Variants in PPARGC1A observed in about 807,000 individuals in gnomAD.
The protein encoded by PPARGC1A is PPARG coactivator 1 alpha.
A neutral mutation model predicts 88.7 loss-of-function variants in PPARGC1A; 25 were observed. That is an observed-to-expected ratio of 0.28 (90% CI 0.21 to 0.39). The LOEUF is 0.39. Ranked by LOEUF, PPARGC1A falls within the 10% of genes least tolerant of loss-of-function variation. The pLI is 1.00. For missense variants in PPARGC1A, 880 were observed against 968.7 expected, an observed-to-expected ratio of 0.91 and a Z score of 1.22; for synonymous variants, 363 against 355.6, an observed-to-expected ratio of 1.02 and a Z score of -0.24.
chr4:24,234,034 T>C, the PPARGC1A span, among the ~76,000 whole-genome samples: 2 of 152,252 alleles, frequency 1.3e-5, no homozygotes, highest in South Asian at 4.2e-4. Flanking sequence ...ACCAATACAA[T>C]AACGCCAGGG....
the PPARGC1A span, among the ~76,000 whole-genome samples, chr4:24,374,853 C>T: frequency 6.6e-6 from 1 of 152,050 alleles, no homozygotes; most frequent in African/African-American, 2.4e-5. Context: ...AAAAATTAAA[C>T]ATGGTGTTAC....
At chr4:24,150,513 T>C in the PPARGC1A span, among the ~76,000 whole-genome samples, 22 of 152,254 alleles carry the variant, frequency 1.4e-4, no homozygotes, top group Non-Finnish European at 2.9e-4. Flanking sequence ...GCTTGACCCA[T>C]CCCAATTAGC....
At chr4:24,315,504 TG>T in the PPARGC1A span, among the ~76,000 whole-genome samples, 1 of 152,214 alleles carries the variant, frequency 6.6e-6, no homozygotes, top group Admixed American at 6.5e-5. Flanking sequence ...CACTCAGAAG[TG>T]CACCTGAGAG....
chr4:24,363,542 G>C, the PPARGC1A span, among the ~76,000 whole-genome samples: 1 of 152,106 alleles, frequency 6.6e-6, no homozygotes, highest in Admixed American at 6.5e-5. Flanking sequence ...TGGGTGTAAG[G>C]TTTCTTTGTC....
At chr4:24,341,533 A>C in the PPARGC1A span, among the ~76,000 whole-genome samples, 2 of 152,188 alleles carry the variant, frequency 1.3e-5, no homozygotes, top group Non-Finnish European at 2.9e-5. Context: ...CAAACTGTGC[A>C]AATGTTTTGA....
chr4:24,234,933 A>G, the PPARGC1A span, among the ~76,000 whole-genome samples: 3 of 152,236 alleles, frequency 2.0e-5, no homozygotes, highest in African/African-American at 4.8e-5. Flanking sequence ...ATCACACTCT[A>G]GAGGAATAAT....
chr4:24,283,168 ATC>A, the PPARGC1A span, among the ~76,000 whole-genome samples: 1 of 152,150 alleles, frequency 6.6e-6, no homozygotes, highest in African/African-American at 2.4e-5. Context: ...GTGGTATTTG[ATC>A]CAAAAAGATC....
intron 10 of PPARGC1A, among the ~76,000 whole-genome samples, chr4:23,809,334 T>C (rs1467863899): frequency 2.0e-5 from 3 of 152,166 alleles, no homozygotes; most frequent in African/African-American, 7.2e-5. Context: ...CATTAAATAG[T>C]TCCATGATGC....
At chr4:23,847,091 G>A (rs1043266603) in intron 2 of PPARGC1A, among the ~76,000 whole-genome samples, 1 of 152,144 alleles carries the variant, frequency 6.6e-6, no homozygotes, top group African/African-American at 2.4e-5. Flanking sequence ...ATCTTTGGAG[G>A]TGGGAGTTAG....
chr4:24,104,831 C>A, the PPARGC1A span, among the ~76,000 whole-genome samples: 572 of 152,306 alleles, frequency 3.8e-3, 2 homozygotes, highest in African/African-American at 0.013. Flanking sequence ...AAGGAATCTG[C>A]AGATGGAGAA....
intron 2 of PPARGC1A, among the ~76,000 whole-genome samples, chr4:23,840,821 T>A (rs2148605615): frequency 6.6e-6 from 1 of 152,162 alleles, no homozygotes; most frequent in East Asian, 1.9e-4. Context: ...TTCTTTGTAA[T>A]CCTCACCTCC....
chr4:24,104,493 C>T, the PPARGC1A span, among the ~76,000 whole-genome samples: 7 of 152,102 alleles, frequency 4.6e-5, no homozygotes, highest in Non-Finnish European at 7.3e-5. Context: ...CTGCCAGGCA[C>T]AGTGCCAGGC....
At chr4:23,902,897 A>G (rs574936181), upstream of PPARGC1A, among the ~76,000 whole-genome samples, 1 of 152,192 alleles carries the variant, frequency 6.6e-6, no homozygotes, top group African/African-American at 2.4e-5. Flanking sequence ...ACTCAAATTA[A>G]TCTCAAGGCA....
chr4:23,889,863 C>T, intron 1 of PPARGC1A, 41 bp downstream of exon 1: 1 of 1,604,394 alleles, frequency 6.2e-7, no homozygotes, highest in South Asian at 1.1e-5. Context: ...CTGAGGGAAG[C>T]GTCAGTTGTG....
the PPARGC1A span, among the ~76,000 whole-genome samples, chr4:24,433,218 A>C: frequency 6.6e-6 from 1 of 152,068 alleles, no homozygotes. Context: ...TCTCAATATT[A>C]ATTGCCTCCA....
chr4:24,114,076 A>T, the PPARGC1A span, among the ~76,000 whole-genome samples: 48 of 143,992 alleles, frequency 3.3e-4, no homozygotes, highest in East Asian at 0.011. Flanking sequence ...GTGAGCCGAG[A>T]TCGTGCCACT....
the PPARGC1A span, among the ~76,000 whole-genome samples, chr4:24,430,419 G>C: frequency 6.6e-6 from 1 of 151,620 alleles, no homozygotes; most frequent in South Asian, 2.1e-4. Flanking sequence ...CACCACGCCC[G>C]GCTAATTTTT....
chr4:24,162,906 T>G, the PPARGC1A span, among the ~76,000 whole-genome samples: 2 of 151,990 alleles, frequency 1.3e-5, no homozygotes, highest in Non-Finnish European at 2.9e-5. Flanking sequence ...TACTTCCTTC[T>G]TATTGGCATT....
At chr4:24,251,717 T>C in the PPARGC1A span, among the ~76,000 whole-genome samples, 2 of 152,208 alleles carry the variant, frequency 1.3e-5, no homozygotes, top group Non-Finnish European at 2.9e-5. Flanking sequence ...TTAGGTCATT[T>C]TTCTGAGATT....
Sources: allele counts gnomAD v4.1 joint callset (sites outside exome capture counted in the v4.1 genomes callset), GRCh38; gene constraint gnomAD v4.1.1; transcripts MANE v1.5; gene names NCBI Gene and HGNC (gene_info 2026-07-23, HGNC 2026-07-21).